The following ZBTB20 variants were observed in gnomAD, a reference collection of about 807,000 sequenced individuals.
ZBTB20 encodes zinc finger and BTB domain-containing protein 20.
ZBTB20 carries 9 observed loss-of-function variants against 56.9 expected under a neutral mutation model. The ratio of observed to expected loss-of-function variants is 0.16; its 90% CI spans 0.10 to 0.28. ZBTB20 has a LOEUF of 0.28. Ranked by LOEUF, ZBTB20 falls within the 10% of genes least tolerant of loss-of-function variation. The probability of loss-of-function intolerance (pLI) is 1.00; values close to 1 mark genes in which losing one functional copy is unlikely to be tolerated. For synonymous variants in ZBTB20, 417 were observed against 420.7 expected (o/e 0.99, Z 0.11); for missense variants, 655 against 1,003.0 (o/e 0.65, Z 4.69).
chr3:114,624,201 C>T (rs541536570), intron 6 of ZBTB20: 1 of 152,094 alleles, frequency 6.6e-6, no homozygotes, highest in Admixed American at 6.6e-5. Context: ...CTGTTAAGCT[C>T]CCTGCTCTGA....
chr3:114,822,181 AC>A (rs763184653), intron 4 of ZBTB20, among the ~76,000 whole-genome samples: 7 of 152,098 alleles, frequency 4.6e-5, no homozygotes, highest in Non-Finnish European at 1.0e-4. Context: ...TACCTATTCT[AC>A]AGAAGTTGTA....
chr3:114,919,199 G>T (rs2075860870), intron 3 of ZBTB20, among the ~76,000 whole-genome samples: 1 of 152,114 alleles, frequency 6.6e-6, no homozygotes, highest in Admixed American at 6.5e-5. Flanking sequence ...GTGGGGGCCT[G>T]GGGGAAAAGC....
chr3:114,927,566 GA>G (rs2076203856), intron 3 of ZBTB20, among the ~76,000 whole-genome samples: 1 of 151,958 alleles, frequency 6.6e-6, no homozygotes, highest in African/African-American at 2.4e-5. Context: ...ACCAAAGAAG[GA>G]AAAAACAATT....
At chr3:114,987,545 T>C (rs968769640) in intron 2 of ZBTB20, among the ~76,000 whole-genome samples, 1 of 152,178 alleles carries the variant, frequency 6.6e-6, no homozygotes, top group Non-Finnish European at 1.5e-5. Flanking sequence ...ACATTTCACT[T>C]GTGAGGTTTC....
chr3:114,397,583 T>C (rs1342249150), intron 7 of ZBTB20, among the ~76,000 whole-genome samples: 2 of 152,080 alleles, frequency 1.3e-5, no homozygotes, highest in Non-Finnish European at 2.9e-5. Context: ...ACCTTTTTTT[T>C]TTTTGTCCCG....
intron 6 of ZBTB20, among the ~76,000 whole-genome samples, chr3:114,601,045 C>A (rs1015917968): frequency 6.6e-6 from 1 of 151,758 alleles, no homozygotes; most frequent in Non-Finnish European, 1.5e-5. Flanking sequence ...CCATCTGCTG[C>A]GCAGACCTCA....
chr3:114,847,989 C>T lies in ZBTB20; in HGVS notation c.-416-46815G>A, dbSNP rs550717324. On this transcript the variant is annotated intron_variant, in intron 4 of 11. Transcript: ENST00000675478. ...AACCACTCTTATGCCTCCTAATCCC[C>T]ACTTCCTACAAACCAGCTCAAAGGA... Among the ~76,000 whole-genome samples, 3 of 152,256 alleles carry T rather than the reference C, an allele frequency of 2.0e-5. No individual in the cohort carries two copies. The South Asian group carries it at 6.2e-4, about 32-fold the overall frequency.
intron 3 of ZBTB20, among the ~76,000 whole-genome samples, chr3:114,902,583 A>T (rs1332242982): frequency 1.3e-5 from 2 of 152,332 alleles, no homozygotes; most frequent in East Asian, 3.9e-4. Flanking sequence ...GTGTATTAGT[A>T]TCACTTATTA....
intron 6 of ZBTB20, among the ~76,000 whole-genome samples, chr3:114,655,397 C>T (rs916551715): frequency 6.0e-5 from 9 of 150,976 alleles, no homozygotes; most frequent in Middle Eastern, 3.2e-3. Context: ...GGACTACAGG[C>T]GCCCGCCACC....
intron 4 of ZBTB20, among the ~76,000 whole-genome samples, chr3:114,810,884 T>C (rs538764901): frequency 6.6e-6 from 1 of 152,084 alleles, no homozygotes; most frequent in Non-Finnish European, 1.5e-5. Flanking sequence ...CAACTGCCCC[T>C]CCTACTACAT....
intron 5 of ZBTB20, among the ~76,000 whole-genome samples, chr3:114,775,563 T>A (rs374811491): frequency 6.7e-6 from 1 of 150,272 alleles, no homozygotes. Flanking sequence ...AAAATTGCAG[T>A]GACTCATCAA....
chr3:114,777,752 C>T (rs1227617535), intron 5 of ZBTB20, among the ~76,000 whole-genome samples: 3 of 152,036 alleles, frequency 2.0e-5, no homozygotes, highest in African/African-American at 7.2e-5. Context: ...TGGGTATATA[C>T]CCAAAGGATT....
At chr3:114,773,322 C>T (rs192136180) in intron 5 of ZBTB20, among the ~76,000 whole-genome samples, 5 of 152,168 alleles carry the variant, frequency 3.3e-5, no homozygotes, top group Admixed American at 3.3e-4. Flanking sequence ...GGTACAACAG[C>T]AACAGAAAAC....
At chr3:115,136,994 G>A (rs1459733743) in intron 1 of ZBTB20, among the ~76,000 whole-genome samples, 1 of 152,168 alleles carries the variant, frequency 6.6e-6, no homozygotes, top group Non-Finnish European at 1.5e-5. Flanking sequence ...GAGTACCACC[G>A]ATGATGAACT....
intron 10 of ZBTB20, among the ~76,000 whole-genome samples, chr3:114,377,187 T>C (rs1445827258): frequency 2.0e-5 from 3 of 152,182 alleles, no homozygotes; most frequent in Non-Finnish European, 4.4e-5. Context: ...CTCATCTTAA[T>C]GCCTTCCATT....
intron 7 of ZBTB20, among the ~76,000 whole-genome samples, chr3:114,443,190 A>C (rs1457915186): frequency 6.6e-6 from 1 of 152,192 alleles, no homozygotes; most frequent in East Asian, 1.9e-4. Context: ...TATATGGCTG[A>C]AGAGGGAATC....
intron 2 of ZBTB20, among the ~76,000 whole-genome samples, chr3:115,068,503 G>A (rs1231906929): frequency 6.6e-6 from 1 of 152,026 alleles, no homozygotes; most frequent in Non-Finnish European, 1.5e-5. Context: ...TGAAATAAAA[G>A]CACAAGAAAG....
intron 10 of ZBTB20, 171 bp from the exon 11 acceptor site, chr3:114,352,049 A>C (rs2080726322): frequency 1.2e-6 from 1 of 838,234 alleles, no homozygotes; most frequent in Non-Finnish European, 1.8e-6. Flanking sequence ...AGGTACGATG[A>C]CCTGAGGGAA....
intron 6 of ZBTB20, among the ~76,000 whole-genome samples, chr3:114,518,322 A>G (rs1186176733): frequency 2.6e-5 from 4 of 152,218 alleles, no homozygotes; most frequent in Non-Finnish European, 5.9e-5. Flanking sequence ...GGCCAAAAAT[A>G]GAAGAGAAAA....
Sources: gnomAD v4.1 joint callset for allele counts (sites outside exome capture counted in the v4.1 genomes callset) on GRCh38, gnomAD v4.1.1 for gene constraint, MANE v1.5 for transcripts, NCBI Gene and HGNC (gene_info 2026-07-23, HGNC 2026-07-21) for gene names.